Variants in SCHIP1 observed in about 807,000 individuals in gnomAD.
SCHIP1 encodes the protein schwannomin-interacting protein 1.
Under a neutral mutation model 29.7 loss-of-function variants are expected in SCHIP1, and 8 were observed. The ratio of observed to expected loss-of-function variants is 0.27; its 90% CI spans 0.16 to 0.49. The LOEUF (loss-of-function observed/expected upper bound fraction) is 0.49, where lower values mean the gene tolerates loss of function less well. SCHIP1 is among the 20% of genes least tolerant of loss of function. The pLI is 0.99. For synonymous variants in SCHIP1, 76 were observed against 94.9 expected, an observed-to-expected ratio of 0.80 and a Z score of 1.16; for missense variants, 193 against 294.6, an observed-to-expected ratio of 0.66 and a Z score of 2.52.
At chr3:159,807,065 T>C in the SCHIP1 span, among the ~76,000 whole-genome samples, 1 of 152,210 alleles carries the variant, frequency 6.6e-6, no homozygotes, top group Non-Finnish European at 1.5e-5. Flanking sequence ...ATAATAAATA[T>C]TAGTTCTACA....
the SCHIP1 span, among the ~76,000 whole-genome samples, chr3:159,377,246 C>A: frequency 2.6e-5 from 4 of 152,310 alleles, no homozygotes; most frequent in Middle Eastern, 6.8e-3. Context: ...AGTTTCCAAT[C>A]AAGACTGGGT....
chr3:159,685,963 G>A, the SCHIP1 span, among the ~76,000 whole-genome samples: 1 of 152,196 alleles, frequency 6.6e-6, no homozygotes, highest in Non-Finnish European at 1.5e-5. Context: ...ACTAGAAGTT[G>A]TTTCTGTTCC....
chr3:159,819,278 A>C, the SCHIP1 span, among the ~76,000 whole-genome samples: 3 of 152,124 alleles, frequency 2.0e-5, no homozygotes, highest in Non-Finnish European at 4.4e-5. Context: ...GGATGGATGA[A>C]GCTGCTGTGC....
the SCHIP1 span, among the ~76,000 whole-genome samples, chr3:159,532,748 C>G: frequency 6.6e-6 from 1 of 152,090 alleles, no homozygotes; most frequent in South Asian, 2.1e-4. Context: ...AGGAAATGCC[C>G]CCTGTGGTCT....
the SCHIP1 span, among the ~76,000 whole-genome samples, chr3:159,336,941 C>G: frequency 6.6e-6 from 1 of 152,078 alleles, no homozygotes; most frequent in African/African-American, 2.4e-5. Context: ...GGCAGTATGG[C>G]CATTTTCACG....
chr3:159,701,891 T>C, the SCHIP1 span, among the ~76,000 whole-genome samples: 1 of 152,294 alleles, frequency 6.6e-6, no homozygotes, highest in Non-Finnish European at 1.5e-5. Context: ...GTGTAGTGGT[T>C]ACTAGCATGT....
chr3:159,753,049 G>C, the SCHIP1 span, among the ~76,000 whole-genome samples: 3,002 of 152,026 alleles, frequency 0.02, 111 homozygotes, highest in African/African-American at 0.07. Context: ...AGTAACTATT[G>C]GCCCTTCCCC....
At chr3:159,616,122 G>A in the SCHIP1 span, among the ~76,000 whole-genome samples, 2 of 150,060 alleles carry the variant, frequency 1.3e-5, no homozygotes, top group Non-Finnish European at 2.9e-5. Context: ...TTTCCTGAGA[G>A]CTGACCTGGA....
At chr3:159,444,458 T>C in the SCHIP1 span, among the ~76,000 whole-genome samples, 1 of 151,678 alleles carries the variant, frequency 6.6e-6, no homozygotes, top group Non-Finnish European at 1.5e-5. Context: ...CAGCAGCTGA[T>C]ACAAAATGAA....
At chr3:159,783,402 A>G in the SCHIP1 span, among the ~76,000 whole-genome samples, 1 of 152,224 alleles carries the variant, frequency 6.6e-6, no homozygotes, top group Non-Finnish European at 1.5e-5. Context: ...GGAAAGTTTC[A>G]TGGAAACTGC....
At chr3:159,828,923 C>T in the SCHIP1 span, among the ~76,000 whole-genome samples, 33 of 152,288 alleles carry the variant, frequency 2.2e-4, no homozygotes, top group African/African-American at 7.7e-4. Context: ...GACAACCCAA[C>T]TTATTTTTAT....
At chr3:159,765,147 G>A in the SCHIP1 span, 4 of 1,550,664 alleles carry the variant, frequency 2.6e-6, no homozygotes, top group Non-Finnish European at 3.5e-6. Flanking sequence ...CCGTAAGTTG[G>A]CCGGGGTGCG....
chr3:159,850,729 G>A (rs1712509441), intron 1 of SCHIP1, among the ~76,000 whole-genome samples: 1 of 152,070 alleles, frequency 6.6e-6, no homozygotes, highest in South Asian at 2.1e-4. Flanking sequence ...AGAGCAGGAG[G>A]AAGGGAAAGA....
At chr3:159,336,636 C>G in the SCHIP1 span, among the ~76,000 whole-genome samples, 1 of 152,114 alleles carries the variant, frequency 6.6e-6, no homozygotes, top group African/African-American at 2.4e-5. Flanking sequence ...TCAGGTTTGT[C>G]AAAGATCAGA....
the SCHIP1 span, among the ~76,000 whole-genome samples, chr3:159,831,363 G>A: frequency 2.0e-5 from 3 of 152,126 alleles, no homozygotes; most frequent in South Asian, 6.2e-4. Flanking sequence ...CACATCTCAT[G>A]AATTCTGACT....
At chr3:159,353,373 A>G in the SCHIP1 span, among the ~76,000 whole-genome samples, 22 of 152,326 alleles carry the variant, frequency 1.4e-4, 1 homozygote, top group Admixed American at 1.4e-3. Flanking sequence ...AGTACAATAG[A>G]AAATTACCAG....
At chr3:159,504,669 C>T in the SCHIP1 span, among the ~76,000 whole-genome samples, 2 of 152,034 alleles carry the variant, frequency 1.3e-5, no homozygotes, top group African/African-American at 2.4e-5. Flanking sequence ...TACCCCTCCT[C>T]GCAAACTGCC....
chr3:159,680,173 A>T, the SCHIP1 span, among the ~76,000 whole-genome samples: 1 of 152,106 alleles, frequency 6.6e-6, no homozygotes, highest in Non-Finnish European at 1.5e-5. Flanking sequence ...CACAATAGGC[A>T]CGCAAAAAAT....
chr3:159,561,279 G>A, the SCHIP1 span, among the ~76,000 whole-genome samples: 1 of 152,170 alleles, frequency 6.6e-6, no homozygotes, highest in East Asian at 1.9e-4. Context: ...CTAATCAGGA[G>A]AATACCTCTT....
Sources: allele counts gnomAD v4.1 joint callset (sites outside exome capture counted in the v4.1 genomes callset), GRCh38; gene constraint gnomAD v4.1.1; transcripts MANE v1.5; gene names NCBI Gene and HGNC (gene_info 2026-07-23, HGNC 2026-07-21).